The following ILF2 variants were observed in gnomAD, a reference collection of about 807,000 sequenced individuals.
ILF2 encodes interleukin enhancer-binding factor 2.
A neutral mutation model predicts 55.3 loss-of-function variants in ILF2; 9 were observed. That is an observed-to-expected ratio of 0.16 (90% CI 0.10 to 0.28). The LOEUF is 0.28. Ranked by LOEUF, ILF2 falls within the 10% of genes least tolerant of loss-of-function variation. The probability of loss-of-function intolerance (pLI) is 1.00; values close to 1 mark genes in which losing one functional copy is unlikely to be tolerated. For missense variants in ILF2, 266 were observed against 474.9 expected (o/e 0.56, Z 4.09); for synonymous variants, 151 against 161.8 (o/e 0.93, Z 0.50).
At chr1:153,669,291 T>C (rs921221794) in intron 3 of ILF2, among the ~76,000 whole-genome samples, 4 of 152,200 alleles carry the variant, frequency 2.6e-5, no homozygotes, top group African/African-American at 9.7e-5. Flanking sequence ...ATTTAAGCTA[T>C]CACTATCTTT....
In ILF2 at chr1:153,665,163, A is replaced by G. The variant is rs1022323973; in HGVS notation, c.577+57T>C. 4.1e-6 allele frequency: 4 copies of G among 985,674 alleles called. No individual in the cohort carries two copies. In the African/African-American group the frequency reaches 6.4e-5, roughly 16 times the overall value. 61.1% of individuals were successfully genotyped at this position (985,674 alleles called of 1,614,324 possible). A position where few individuals can be genotyped will look rare whatever the true frequency, so the allele number is the denominator to read the frequency against. On this transcript the variant is annotated intron_variant, in intron 8 of 13. Coordinates refer to ENST00000361891, the MANE Select transcript of ILF2 (RefSeq NM_004515.4). ...CAAGCTAAGTAAACTAAACAGCAACAATACCATGTTTTGAATATCCCCTAA... is the reference window on the plus strand; with the variant it reads ...CAAGCTAAGTAAACTAAACAGCAACGATACCATGTTTTGAATATCCCCTAA...
chr1:153,662,351 G>C lies in ILF2; in HGVS notation c.*45C>G. The C allele has an allele frequency of 6.2e-7, 1 of 1,611,340 alleles. No individual in the cohort carries two copies. The highest frequency in any genetic ancestry group is 2.2e-5 in the East Asian group (1 of 44,866). ...GTAAAGCCCAGTAGCAGGCAGCTTA[G>C]GCTCCAGTCTTCCCCCTTGGGTAGG... On this transcript the variant is annotated 3_prime_UTR_variant, in exon 14 of 14. Coordinates refer to ENST00000361891, the MANE Select transcript of ILF2 (RefSeq NM_004515.4).
At position 153,670,932 on chromosome 1, in the gene ILF2, A is replaced by G. The variant is rs762173509; in HGVS notation, c.-10T>C. Reference sequence around the variant, plus strand: ...GACCCACTTACCTCATGGCGCCTTAAAACACGAACAATGGAGGCCGCACCA... The same window carrying G: ...GACCCACTTACCTCATGGCGCCTTAGAACACGAACAATGGAGGCCGCACCA... On this transcript the variant is annotated 5_prime_UTR_variant, in exon 1 of 14. Coordinates refer to ENST00000361891, the MANE Select transcript of ILF2 (RefSeq NM_004515.4). 2 of 1,614,206 alleles carry G rather than the reference A, an allele frequency of 1.2e-6. No homozygotes were observed. Among genetic ancestry groups the G allele is most frequent in the Non-Finnish European group, 1.7e-6 (2 of 1,180,026 alleles).
chr1:153,661,994 AAAAC>A lies in ILF2; in HGVS notation c.*398_*401del, dbSNP rs574555392. The stretch of plus-strand genomic sequence containing the variant: ...AGCAAAAAAGGTTGCCACATGCAAA[AAAAC>A]AAACAAACAAAAAACACCAACCAGA... On this transcript the variant is annotated 3_prime_UTR_variant, in exon 14 of 14. Coordinates refer to ENST00000361891, the MANE Select transcript of ILF2 (RefSeq NM_004515.4). 7.1e-4 allele frequency: 112 copies of A among 158,818 alleles called. No homozygotes were observed. Among genetic ancestry groups the A allele is most frequent in the African/African-American group, 2.0e-3 (82 of 41,666 alleles). 9.8% of individuals were successfully genotyped at this position (158,818 alleles called of 1,614,324 possible).
At chr1:153,670,711 A>C (rs1430028052) in intron 1 of ILF2, among the ~76,000 whole-genome samples, 2 of 147,788 alleles carry the variant, frequency 1.4e-5, no homozygotes, top group African/African-American at 2.5e-5. Context: ...CCCCCTCCCC[A>C]CTCCTGGGCC....
rs377363199 is a variant in ILF2, at chr1:153,670,901, C to T, written c.5+17G>A. 6.2e-7 allele frequency: 1 copy of T among 1,614,190 alleles called. No homozygotes were observed. Among genetic ancestry groups the T allele is most frequent in the South Asian group, 1.1e-5 (1 of 91,082 alleles). On this transcript the variant is annotated intron_variant, in intron 1 of 13. Coordinates refer to ENST00000361891, the MANE Select transcript of ILF2 (RefSeq NM_004515.4). ...CGTCGAATACCTGAAACCTTTCGACCGCTTCGACCCACTTACCTCATGGCG... is the reference window on the plus strand; with the variant it reads ...CGTCGAATACCTGAAACCTTTCGACTGCTTCGACCCACTTACCTCATGGCG...
intron 13 of ILF2, 72 bp from the exon 14 acceptor site, chr1:153,662,628 T>TA: frequency 1.3e-6 from 2 of 1,568,860 alleles, no homozygotes; most frequent in East Asian, 2.2e-5. Context: ...GTGGAAATAT[T>TA]AAAGACATTT....
chr1:153,663,836 CT>C (rs113615012), intron 10 of ILF2, among the ~76,000 whole-genome samples: 6 of 145,584 alleles, frequency 4.1e-5, no homozygotes, highest in Admixed American at 6.8e-5. Flanking sequence ...TGAATTTTTT[CT>C]TTTTTTTTAA....
In ILF2 at chr1:153,665,721, A is replaced by G. The variant is rs1298512474; in HGVS notation, c.402T>C (p.Ala134=). The G allele has an allele frequency of 2.5e-6, 4 of 1,605,468 alleles. No homozygotes were observed. In the South Asian group the frequency reaches 3.4e-5, roughly 13 times the overall value. The change falls in exon 7 of 14, where the codon GCT becomes GCC. Residue 134 remains alanine, a synonymous_variant. Coordinates refer to ENST00000361891, the MANE Select transcript of ILF2 (RefSeq NM_004515.4). ...VILKILPTLE[A]VAALGNKVVE... ...CGACTTTGTTCCCCAGGGCAGCAAC[A>G]GCTTCCACTAATTGACAGAAAATGA...
chr1:153,665,167 C>T, intron 8 of ILF2, 53 bp downstream of exon 8: 1 of 1,009,342 alleles, frequency 9.9e-7, no homozygotes, highest in East Asian at 2.4e-5. Flanking sequence ...AGCAACAATA[C>T]CATGTTTTGA....
Position 153,669,931 on chromosome 1 carries a change from GTAAA to G in ILF2, c.66-57_66-54del, listed in dbSNP as rs151110014. On this transcript the variant is annotated intron_variant, in intron 2 of 13. Transcript: ENST00000361891. ...TCCCTAGGTAGGAATCAAGCGAGAT[GTAAA>G]TAACACGCCAACAATTTTGAAAACA... 3.7e-3 allele frequency: 5,416 copies of G among 1,445,852 alleles called. 164 individuals are homozygous for G. In the African/African-American group the frequency reaches 0.067, roughly 18 times the overall value. The allele number at this position is 1,445,852 out of a possible 1,614,324, so 89.6% of individuals were successfully genotyped here. A position where few individuals can be genotyped will look rare whatever the true frequency, so the allele number is the denominator to read the frequency against.
At chr1:153,666,233 A>T (rs1669302189) in intron 6 of ILF2, among the ~76,000 whole-genome samples, 1 of 151,594 alleles carries the variant, frequency 6.6e-6, no homozygotes, top group East Asian at 1.9e-4. Flanking sequence ...ACCCAAGCTG[A>T]AGTGCACTGG....
intron 10 of ILF2, 47 bp downstream of exon 10, chr1:153,663,980 CTACTACTACTACTACT>C: frequency 1.9e-5 from 16 of 823,504 alleles, no homozygotes; most frequent in Middle Eastern, 2.3e-4. Flanking sequence ...ACTACTACTA[CTACTACTACTACTACT>C]AGTAAATAAG....
At chr1:153,664,542 T>C in intron 8 of ILF2, 68 bp from the exon 9 acceptor site, 3 of 1,256,780 alleles carry the variant, frequency 2.4e-6, no homozygotes, top group Non-Finnish European at 3.5e-6. Flanking sequence ...TTACCACTGC[T>C]ACAGTCTTAA....
rs60056164 is a variant in ILF2, at chr1:153,668,802, G to A, written c.109-245C>T. Among the ~76,000 whole-genome samples the A allele has an allele frequency of 2.7e-3, 405 of 152,096 alleles. 2 individuals carry two copies. The highest frequency in any genetic ancestry group is 9.4e-3 in the African/African-American group (390 of 41,460). On this transcript the variant is annotated intron_variant, in intron 3 of 13. Coordinates refer to ENST00000361891, the MANE Select transcript of ILF2 (RefSeq NM_004515.4). Reference sequence around the variant, plus strand: ...AATCCCAGCTACTTGGGAGGCTGAGGTGAGAGAATCCCTTGAACACAGGAA... The same window carrying A: ...AATCCCAGCTACTTGGGAGGCTGAGATGAGAGAATCCCTTGAACACAGGAA...
chr1:153,664,604 G>T, intron 8 of ILF2, 130 bp from the exon 9 acceptor site: 1 of 743,174 alleles, frequency 1.3e-6, no homozygotes, highest in East Asian at 2.7e-5. Context: ...TGTCCAGGCT[G>T]GATTGCGTAC....
At chr1:153,670,824 A>G (rs367885492) in intron 1 of ILF2, 94 bp downstream of exon 1, 44 of 1,433,164 alleles carry the variant, frequency 3.1e-5, no homozygotes, top group Admixed American at 5.0e-5. Context: ...CCCCGGATAC[A>G]TGGCCCTTTC....
At chr1:153,667,103 C>G (rs550694717) in intron 6 of ILF2, among the ~76,000 whole-genome samples, 2 of 152,322 alleles carry the variant, frequency 1.3e-5, no homozygotes, top group African/African-American at 4.8e-5. Flanking sequence ...GCCAGGGCAA[C>G]AGAGTGAGAT....
chr1:153,662,976 A>G (rs755873935), intron 12 of ILF2, 43 bp downstream of exon 12: 9 of 1,535,864 alleles, frequency 5.9e-6, no homozygotes, highest in East Asian at 2.3e-5. Context: ...GCAGTATTCA[A>G]AAGAGTGGGG....
Sources: allele counts gnomAD v4.1 joint callset (sites outside exome capture counted in the v4.1 genomes callset), GRCh38; gene constraint gnomAD v4.1.1; transcripts MANE v1.5; gene names NCBI Gene and HGNC (gene_info 2026-07-23, HGNC 2026-07-21).